SLC18A1: variants seen among roughly 807,000 people sequenced by gnomAD.
SLC18A1 encodes solute carrier family 18 member A1, also known as chromaffin granule amine transporter.
SLC18A1 carries 69 observed loss-of-function variants against 53.7 expected under a neutral mutation model. That is an observed-to-expected ratio of 1.28 (90% CI 1.06 to 1.57). The LOEUF is 1.57. Among genes scored for constraint, SLC18A1 ranks in the 40% most tolerant of loss-of-function variants. The probability of loss-of-function intolerance (pLI) is 0.00; values close to 1 mark genes in which losing one functional copy is unlikely to be tolerated. For synonymous variants in SLC18A1, 320 were observed against 248.1 expected (o/e 1.29, Z -2.72); for missense variants, 932 against 668.1 (o/e 1.40, Z -4.35).
At chr8:20,165,153 A>C (rs770564011) in intron 8 of SLC18A1, 46 bp from the exon 9 acceptor site, 8 of 1,484,880 alleles carry the variant, frequency 5.4e-6, no homozygotes, top group Non-Finnish European at 7.5e-6. Flanking sequence ...CAGTGCATAC[A>C]TCTCTCCTAT....
At chr8:20,173,693 T>A (rs1302340305) in intron 5 of SLC18A1, among the ~76,000 whole-genome samples, 1 of 152,148 alleles carries the variant, frequency 6.6e-6, no homozygotes, top group Non-Finnish European at 1.5e-5. Flanking sequence ...TTACCAGTAG[T>A]ACTAACATGA....
At chr8:20,178,266 A>G (rs1169545823) in intron 4 of SLC18A1, among the ~76,000 whole-genome samples, 169 bp downstream of exon 4, 1 of 152,180 alleles carries the variant, frequency 6.6e-6, no homozygotes, top group Non-Finnish European at 1.5e-5. Context: ...AATTGTCACT[A>G]CTGTTCTAGT....
At position 20,144,944 on chromosome 8, in the gene SLC18A1, C is replaced by T. The variant is rs1001597822; in HGVS notation, c.*819G>A. ...GGAAATCTACAATCAGGAGGGATTT[C>T]AAGGCAGTTTCTTTTAACTTCTTCC... On this transcript the variant is annotated 3_prime_UTR_variant, in exon 16 of 16. Coordinates refer to ENST00000276373, the MANE Select transcript of SLC18A1 (RefSeq NM_003053.4). The T allele has an allele frequency of 3.3e-5, 5 of 152,210 alleles. No homozygotes were observed. Among genetic ancestry groups the T allele is most frequent in the Non-Finnish European group, 5.9e-5 (4 of 68,010 alleles). The allele number at this position is 152,210 out of a possible 1,614,324, so 9.4% of individuals were successfully genotyped here.
chr8:20,147,512 C>G, intron 14 of SLC18A1, 91 bp downstream of exon 14: 2 of 1,588,922 alleles, frequency 1.3e-6, no homozygotes, highest in Non-Finnish European at 1.7e-6. Context: ...TCAAAGATCT[C>G]CAGAACCCTA....
At chr8:20,153,031 C>G (rs952600780) in intron 10 of SLC18A1, among the ~76,000 whole-genome samples, 2 of 152,118 alleles carry the variant, frequency 1.3e-5, no homozygotes, top group African/African-American at 4.8e-5. Flanking sequence ...AAGTCAACCA[C>G]TGAGAATGAT....
intron 5 of SLC18A1, 104 bp from the exon 6 acceptor site, chr8:20,173,232 A>G (rs2072170814): frequency 4.9e-6 from 4 of 822,758 alleles, no homozygotes. Context: ...AATCTTAGCT[A>G]GAGTTTCAGT....
intron 10 of SLC18A1, among the ~76,000 whole-genome samples, chr8:20,163,446 A>G (rs1411095242): frequency 6.6e-6 from 1 of 152,090 alleles, no homozygotes; most frequent in East Asian, 1.9e-4. Context: ...CAGCATTCAA[A>G]CCCAGGTGGA....
intron 10 of SLC18A1, among the ~76,000 whole-genome samples, chr8:20,156,649 C>A (rs2071689298): frequency 6.6e-6 from 1 of 152,180 alleles, no homozygotes; most frequent in African/African-American, 2.4e-5. Flanking sequence ...TCTCCTTGCT[C>A]TTCTTCTTTT....
At chr8:20,149,059 A>T (rs2071478169) in intron 12 of SLC18A1, among the ~76,000 whole-genome samples, 1 of 152,130 alleles carries the variant, frequency 6.6e-6, no homozygotes, top group Non-Finnish European at 1.5e-5. Context: ...TCTTGAGCAC[A>T]GTTTACAGTG....
chr8:20,157,233 T>G (rs2071705633), intron 10 of SLC18A1, among the ~76,000 whole-genome samples: 1 of 152,156 alleles, frequency 6.6e-6, no homozygotes. Flanking sequence ...AAAACGCCCC[T>G]AAGATGTATT....
chr8:20,179,234 G>A lies in SLC18A1; in HGVS notation c.375C>T (p.Cys125=). Residue 125 remains cysteine (C), a synonymous_variant, in exon 3 of 16, where the codon TGC becomes TGT. Transcript: ENST00000276373. ...CCTCCAAGAAACCTGTGCCTTGCAA[G>A]CAGTTGTTTTTATGAGCTGAGATGG... is the stretch of plus-strand genomic sequence containing the variant. ...TEAISAHKNN[C]LQGTGFLEEE... is the part of the protein sequence containing the mutation. 1 of 1,614,222 alleles carries A rather than the reference G, an allele frequency of 6.2e-7. No individual in the cohort carries two copies. Among genetic ancestry groups the A allele is most frequent in the Non-Finnish European group, 8.5e-7 (1 of 1,180,050 alleles).
Position 20,171,498 on chromosome 8 carries a change from G to C in SLC18A1, c.725-4C>G, listed in dbSNP as rs1037882786. 6.2e-7 allele frequency: 1 copy of C among 1,611,186 alleles called. No homozygotes were observed. Among genetic ancestry groups the C allele is most frequent in the Non-Finnish European group, 8.5e-7 (1 of 1,177,396 alleles). ...ACACTTCCAAAGGGAGCTCCCACTG[G>C]AGAGGCATAGGAGACACAGATTCCA... On this transcript the variant is annotated splice_polypyrimidine_tract_variant and splice_region_variant and intron_variant, in intron 6 of 15. Transcript: ENST00000276373.
At chr8:20,155,649 A>G (rs907766475) in intron 10 of SLC18A1, among the ~76,000 whole-genome samples, 1 of 152,186 alleles carries the variant, frequency 6.6e-6, no homozygotes, top group Non-Finnish European at 1.5e-5. Flanking sequence ...CTTTCTTGAA[A>G]GTGTAGCCCC....
At chr8:20,163,213 C>G (rs111786901) in intron 10 of SLC18A1, among the ~76,000 whole-genome samples, 1,948 of 152,200 alleles carry the variant, frequency 0.013, 19 homozygotes, top group Non-Finnish European at 0.019. Flanking sequence ...GGGAGCTGAA[C>G]TCCCCTTTTA....
rs765881759 is a variant in SLC18A1, at chr8:20,145,724, T to A, written c.*39A>T. On this transcript the variant is annotated 3_prime_UTR_variant, in exon 16 of 16. Coordinates refer to ENST00000276373, the MANE Select transcript of SLC18A1 (RefSeq NM_003053.4). The stretch of plus-strand genomic sequence containing the variant: ...GATCTGGTCCCAGGGAAAGAGGTGG[T>A]CACTGAGGCATCATGAATTCAAGGA... 5 of 1,330,384 alleles carry A rather than the reference T, an allele frequency of 3.8e-6. No homozygotes were observed. Among genetic ancestry groups the A allele is most frequent in the Non-Finnish European group, 5.3e-6 (5 of 934,662 alleles). The allele number at this position is 1,330,384 out of a possible 1,614,324, so 82.4% of individuals were successfully genotyped here. A position where few individuals can be genotyped will look rare whatever the true frequency, so the allele number is the denominator to read the frequency against.
intron 15 of SLC18A1, 82 bp from the exon 16 acceptor site, chr8:20,145,958 C>CA: frequency 2.7e-6 from 2 of 740,462 alleles, no homozygotes; most frequent in South Asian, 4.6e-5. Flanking sequence ...CTCTGTTGCC[C>CA]AGGCTGGAGT....
At chr8:20,145,909 A>G (rs755372158) in intron 15 of SLC18A1, 33 bp from the exon 16 acceptor site, 27 of 1,318,926 alleles carry the variant, frequency 2.0e-5, no homozygotes, top group Non-Finnish European at 2.7e-5. Flanking sequence ...AAGCCACTGC[A>G]CATTATTATC....
At chr8:20,174,809 G>A (rs145176724) in intron 4 of SLC18A1, among the ~76,000 whole-genome samples, 33 of 152,232 alleles carry the variant, frequency 2.2e-4, no homozygotes, top group Admixed American at 5.9e-4. Flanking sequence ...CTCCTGGATC[G>A]TCCATGTGCA....
In SLC18A1 at chr8:20,147,377, C is replaced by A. The variant is rs759645070; in HGVS notation, c.1345G>T (p.Gly449Cys). ...MGFAIGPSTG[G>C]AIVKAIGFPW... ...AAACCGATGGCCTTTACAATGGCAC[C>A]ACCGGTGGATGGACCTGGGAGGGAT... Residue 449 changes from glycine (G) to cysteine (C), a missense_variant, in exon 15 of 16, where the codon GGT (glycine) becomes TGT (cysteine). Physicochemically the swap from Gly to Cys is radical, Grantham distance 159. Coordinates refer to ENST00000276373, the MANE Select transcript of SLC18A1 (RefSeq NM_003053.4). The A allele has an allele frequency of 6.2e-6, 10 of 1,610,366 alleles. No individual in the cohort carries two copies. The East Asian group carries it at 1.8e-4, about 29-fold the overall frequency.
Sources: allele counts gnomAD v4.1 joint callset (sites outside exome capture counted in the v4.1 genomes callset), GRCh38; gene constraint gnomAD v4.1.1; transcripts MANE v1.5; gene names NCBI Gene and HGNC (gene_info 2026-07-23, HGNC 2026-07-21).